MAN1A2: variants seen among roughly 807,000 people sequenced by gnomAD.
MAN1A2 encodes the protein mannosyl-oligosaccharide 1,2-alpha-mannosidase IB.
Under a neutral mutation model 75.7 loss-of-function variants are expected in MAN1A2, and 26 were observed. That is an observed-to-expected ratio of 0.34 (90% CI 0.25 to 0.48). The LOEUF is 0.48. Ranked by LOEUF, MAN1A2 falls within the 20% of genes least tolerant of loss-of-function variation. The probability of loss-of-function intolerance (pLI) is 0.99; values close to 1 mark genes in which losing one functional copy is unlikely to be tolerated. For synonymous variants in MAN1A2, 247 were observed against 264.6 expected, an observed-to-expected ratio of 0.93 and a Z score of 0.65; for missense variants, 562 against 775.5, an observed-to-expected ratio of 0.72 and a Z score of 3.27.
chr1:117,422,377 G>A (rs1648226725), intron 5 of MAN1A2, among the ~76,000 whole-genome samples: 2 of 151,934 alleles, frequency 1.3e-5, no homozygotes, highest in Non-Finnish European at 2.9e-5. Context: ...TTTATCAGTG[G>A]AATTATTTAC....
chr1:117,438,722 C>T (rs565467810), intron 5 of MAN1A2, among the ~76,000 whole-genome samples: 3 of 152,254 alleles, frequency 2.0e-5, no homozygotes, highest in East Asian at 3.9e-4. Context: ...TTACCTACAA[C>T]GTTCGATACA....
At chr1:117,383,963 A>T (rs1369999858) in intron 1 of MAN1A2, among the ~76,000 whole-genome samples, 1 of 152,166 alleles carries the variant, frequency 6.6e-6, no homozygotes, top group Admixed American at 6.5e-5. Context: ...CTGTAAGGTC[A>T]GCTGCAGTGT....
intron 1 of MAN1A2, among the ~76,000 whole-genome samples, chr1:117,377,938 A>C (rs1653208449): frequency 6.6e-6 from 1 of 152,058 alleles, no homozygotes; most frequent in Non-Finnish European, 1.5e-5. Flanking sequence ...ATCTCTACTA[A>C]AAATACAAAA....
chr1:117,487,600 G>A (rs1557971070), intron 8 of MAN1A2, among the ~76,000 whole-genome samples: 1 of 152,032 alleles, frequency 6.6e-6, no homozygotes, highest in Non-Finnish European at 1.5e-5. Flanking sequence ...GTCACTGAAT[G>A]AGTCAAGACA....
chr1:117,397,565 A>G (rs1351680771), intron 1 of MAN1A2, among the ~76,000 whole-genome samples: 9 of 151,664 alleles, frequency 5.9e-5, no homozygotes, highest in Admixed American at 2.0e-4. Flanking sequence ...ACACCTTGTC[A>G]TTAATTTTAA....
intron 12 of MAN1A2, among the ~76,000 whole-genome samples, chr1:117,516,870 G>C (rs1259982906): frequency 1.3e-5 from 2 of 152,122 alleles, no homozygotes; most frequent in Non-Finnish European, 2.9e-5. Context: ...AAATAACCAA[G>C]GGAATGCACT....
intron 8 of MAN1A2, among the ~76,000 whole-genome samples, chr1:117,488,994 G>T (rs905996148): frequency 6.6e-6 from 1 of 152,092 alleles, no homozygotes; most frequent in Non-Finnish European, 1.5e-5. Flanking sequence ...ATTTTGAGAA[G>T]TATCAAACTA....
At chr1:117,482,619 A>G (rs528287628) in intron 8 of MAN1A2, among the ~76,000 whole-genome samples, 3 of 151,666 alleles carry the variant, frequency 2.0e-5, no homozygotes, top group South Asian at 2.1e-4. Context: ...TGTTTCAGTT[A>G]TTTGTAGATT....
chr1:117,408,319 A>C (rs1399644032), intron 3 of MAN1A2, among the ~76,000 whole-genome samples: 1 of 151,834 alleles, frequency 6.6e-6, no homozygotes, highest in East Asian at 1.9e-4. Context: ...AAAAAAAAAA[A>C]AAAGCAGAAT....
At chr1:117,471,082 T>C (rs1650139296) in intron 8 of MAN1A2, among the ~76,000 whole-genome samples, 1 of 151,836 alleles carries the variant, frequency 6.6e-6, no homozygotes, top group Non-Finnish European at 1.5e-5. Flanking sequence ...TTAGCCTATG[T>C]CATTTAATGA....
intron 4 of MAN1A2, among the ~76,000 whole-genome samples, chr1:117,416,012 CTTGT>C (rs1647978623): frequency 6.6e-6 from 1 of 151,876 alleles, no homozygotes; most frequent in Admixed American, 6.6e-5. Context: ...CTTTTTGTAT[CTTGT>C]TTAAGAAAGC....
chr1:117,442,436 C>G, intron 6 of MAN1A2, 111 bp downstream of exon 6: 1 of 651,198 alleles, frequency 1.5e-6, no homozygotes, highest in Admixed American at 2.6e-5. Context: ...TTGTTTTTCT[C>G]TCTATATATA....
intron 12 of MAN1A2, among the ~76,000 whole-genome samples, chr1:117,506,043 A>C (rs1376514004): frequency 6.6e-6 from 1 of 151,610 alleles, no homozygotes; most frequent in Non-Finnish European, 1.5e-5. Context: ...ACAATTGAAT[A>C]AAGTCATTTC....
At chr1:117,415,477 T>C (rs1208288847) in intron 4 of MAN1A2, among the ~76,000 whole-genome samples, 1 of 152,128 alleles carries the variant, frequency 6.6e-6, no homozygotes, top group East Asian at 1.9e-4. Context: ...GTGATATAAG[T>C]CCATAATTAT....
intron 12 of MAN1A2, among the ~76,000 whole-genome samples, chr1:117,505,638 G>C (rs1022462009): frequency 1.3e-5 from 2 of 151,210 alleles, no homozygotes; most frequent in Admixed American, 1.3e-4. Context: ...AGTACATTCA[G>C]CATTGCACTT....
chr1:117,487,212 A>C (rs1418910322), intron 8 of MAN1A2, among the ~76,000 whole-genome samples: 1 of 152,074 alleles, frequency 6.6e-6, no homozygotes, highest in Non-Finnish European at 1.5e-5. Flanking sequence ...GTTATTTCAG[A>C]ATGTGATTCA....
intron 6 of MAN1A2, among the ~76,000 whole-genome samples, chr1:117,459,930 G>C (rs566249336): frequency 6.6e-6 from 1 of 152,218 alleles, no homozygotes; most frequent in African/African-American, 2.4e-5. Context: ...TTATAACTTT[G>C]GACCTGGCAC....
intron 1 of MAN1A2, among the ~76,000 whole-genome samples, chr1:117,400,496 T>C (rs1006211862): frequency 6.6e-6 from 1 of 151,938 alleles, no homozygotes; most frequent in Non-Finnish European, 1.5e-5. Context: ...CCTTGTGTTA[T>C]TCCTTTATAG....
chr1:117,500,733 C>T (rs1011034796), intron 11 of MAN1A2, among the ~76,000 whole-genome samples: 2 of 151,796 alleles, frequency 1.3e-5, no homozygotes, highest in South Asian at 2.1e-4. Flanking sequence ...CCCCTTGGCT[C>T]CAGAATTGGG....
Sources: gnomAD v4.1 joint callset for allele counts (sites outside exome capture counted in the v4.1 genomes callset) on GRCh38, gnomAD v4.1.1 for gene constraint, MANE v1.5 for transcripts, NCBI Gene and HGNC (gene_info 2026-07-23, HGNC 2026-07-21) for gene names.